Variants in CD5L observed in about 807,000 individuals in gnomAD.
CD5L encodes the protein CD5 molecule like.
CD5L carries 39 observed loss-of-function variants against 40.8 expected under a neutral mutation model. The ratio of observed to expected loss-of-function variants is 0.96; its 90% CI spans 0.74 to 1.25. CD5L has a LOEUF of 1.25. Among genes scored for constraint, CD5L ranks in the 50% most tolerant of loss-of-function variants. The pLI is 0.00. For synonymous variants in CD5L, 192 were observed against 169.6 expected (o/e 1.13, Z -1.03); for missense variants, 433 against 435.9 (o/e 0.99, Z 0.06).
intron 2 of CD5L, among the ~76,000 whole-genome samples, chr1:157,837,064 CT>C (rs1656238293): frequency 6.6e-6 from 1 of 152,010 alleles, no homozygotes; most frequent in Non-Finnish European, 1.5e-5. Flanking sequence ...TAAGACCAGC[CT>C]GGACCACATG....
In CD5L at chr1:157,833,215, T is replaced by C; in HGVS notation, c.1016A>G (p.Glu339Gly). Residue 339 changes from glutamate to glycine, a missense_variant, in exon 5 of 6, where the codon GAA becomes GGA. Glu to Gly is a moderately conservative substitution (Grantham distance 98, BLOSUM62 -2). Transcript: ENST00000368174. ...ACCTGAGCAGATGACAGCCACATCT[T>C]CCTGGTGGGTGCAGTCGTGAAACCC... ...FWGFHDCTHQ[E>G]DVAVICSG 6.2e-7 allele frequency: 1 copy of C among 1,613,826 alleles called. No individual in the cohort carries two copies. The highest frequency in any genetic ancestry group is 1.1e-5 in the South Asian group (1 of 91,038).
In CD5L at chr1:157,834,598, C is replaced by G; in HGVS notation, c.527G>C (p.Cys176Ser). ...AGCCCTCCCACATCCCAGCTGCCGG[C>G]ACACCACCTTTGCGGCCCGGAGGCT... ...GWSLRAAKVV[C>S]RQLGCGRAVL... is the part of the protein sequence containing the mutation. Residue 176 changes from cysteine to serine, a missense_variant, in exon 4 of 6, where the codon TGC becomes TCC. Transcript: ENST00000368174. The G allele has an allele frequency of 6.2e-7, 1 of 1,614,188 alleles. No individual in the cohort carries two copies. The highest frequency in any genetic ancestry group is 8.5e-7 in the Non-Finnish European group (1 of 1,180,040).
rs1414917619 is a variant in CD5L at position 157,834,444 on chromosome 1, G to A, written c.681C>T (p.Thr227=). The A allele has an allele frequency of 2.5e-6, 4 of 1,614,036 alleles. No individual in the cohort carries two copies. The South Asian group carries it at 3.3e-5, about 13-fold the overall frequency. The stretch of plus-strand genomic sequence containing the variant: ...CCCACGTGTCTTCATCATGGTTGCA[G>A]GTGTTCTTCCCCCAAGGCCCAGAAG... ...DCPSGPWGKN[T]CNHDEDTWVE... Residue 227 remains threonine (T), a synonymous_variant, in exon 4 of 6, where the codon ACC becomes ACT. Coordinates refer to ENST00000368174, the MANE Select transcript of CD5L (RefSeq NM_005894.3).
At position 157,839,395 on chromosome 1, in the gene CD5L, G is replaced by T. The variant is rs144252738; in HGVS notation, c.44C>A (p.Pro15His). Residue 15 changes from proline (P) to histidine (H), a missense_variant, in exon 2 of 6, where the codon CCT becomes CAT. Coordinates refer to ENST00000368174, the MANE Select transcript of CD5L (RefSeq NM_005894.3). ...CCCAAAAATCTTACCTAGGAATCCA[G>T]GTCTGGTGCAAATGGCTGGGGAAGA... is the stretch of plus-strand genomic sequence containing the variant. Reference protein sequence around the residue: ...FSLILAICTRPGFLASPSGVR... With the variant: ...FSLILAICTRHGFLASPSGVR... The T allele has an allele frequency of 2.5e-6, 4 of 1,613,488 alleles. No homozygotes were observed. The Admixed American group carries it at 6.7e-5, about 27-fold the overall frequency.
chr1:157,837,120 A>G (rs1656239464), intron 2 of CD5L, among the ~76,000 whole-genome samples: 1 of 152,042 alleles, frequency 6.6e-6, no homozygotes, highest in Admixed American at 6.6e-5. Flanking sequence ...ATGAATACAA[A>G]TATTAGCCAG....
intron 2 of CD5L, 87 bp from the exon 3 acceptor site, chr1:157,836,242 A>G: frequency 9.2e-7 from 1 of 1,092,840 alleles, no homozygotes; most frequent in Non-Finnish European, 1.3e-6. Flanking sequence ...GGACTCTTCC[A>G]CCATTCAAAT....
Position 157,836,073 on chromosome 1 carries a change from G to A in CD5L, c.138C>T (p.Gly46=), listed in dbSNP as rs1656205285. The stretch of plus-strand genomic sequence containing the variant: ...TGTCCCAGCCGTCATCACACACGGT[G>A]CCCCACTGGCCTTTCTGTTCCACCT... ...RVEVEQKGQW[G]TVCDDGWDIK... Residue 46 remains glycine (G), a synonymous_variant, in exon 3 of 6, where the codon GGC becomes GGT. Transcript: ENST00000368174. 2 of 1,613,952 alleles carry A rather than the reference G, an allele frequency of 1.2e-6. No individual in the cohort carries two copies. Among genetic ancestry groups the A allele is most frequent in the Admixed American group, 1.7e-5 (1 of 59,998 alleles).
chr1:157,833,471 A>T lies in CD5L; in HGVS notation c.760T>A (p.Ser254Thr), dbSNP rs1291148022. The T allele has an allele frequency of 1.9e-6, 3 of 1,614,050 alleles. No homozygotes were observed. Among genetic ancestry groups the T allele is most frequent in the Non-Finnish European group, 2.5e-6 (3 of 1,179,956 alleles). Residue 254 changes from serine (S) to threonine (T), a missense_variant, in exon 5 of 6, where the codon TCT (serine) becomes ACT (threonine). By Grantham distance (58) the Ser-to-Thr change is moderately conservative. Transcript: ENST00000368174. ...TTGTGCAGCACCTCCAGTCGCCCAG[A>T]GCAGAGGTTGTCTCCTCCTACTAGT... The part of the protein sequence containing the change: ...LRLVGGDNLC[S>T]GRLEVLHKGV...
At chr1:157,839,005 T>C (rs923197592) in intron 2 of CD5L, among the ~76,000 whole-genome samples, 1 of 152,158 alleles carries the variant, frequency 6.6e-6, no homozygotes, top group Non-Finnish European at 1.5e-5. Context: ...AAGACACCAT[T>C]AAGCCTGGCA....
rs1656301640 is a variant in CD5L at position 157,839,353 on chromosome 1, C to T, written c.55+31G>A. 9.9e-6 allele frequency: 16 copies of T among 1,611,688 alleles called. No individual in the cohort carries two copies. In the East Asian group the frequency reaches 2.9e-4, roughly 29 times the overall value. ...AATTTTCCCTCTCCTAAGCTTGAGG[C>T]CTCCCTCTCAGAAACCCCCAAAAAT... On this transcript the variant is annotated intron_variant, in intron 2 of 5. Coordinates refer to ENST00000368174, the MANE Select transcript of CD5L (RefSeq NM_005894.3).
At chr1:157,834,789 A>T in intron 3 of CD5L, 41 bp from the exon 4 acceptor site, 2 of 1,534,972 alleles carry the variant, frequency 1.3e-6, no homozygotes, top group Non-Finnish European at 9.0e-7. Flanking sequence ...CTCTGCCAGA[A>T]CATGGTCTTC....
chr1:157,837,338 A>T (rs924043470), intron 2 of CD5L, among the ~76,000 whole-genome samples: 1 of 146,954 alleles, frequency 6.8e-6, no homozygotes, highest in African/African-American at 2.5e-5. Flanking sequence ...GACAGCAAAC[A>T]TTTGTTAGGT....
downstream of CD5L, among the ~76,000 whole-genome samples, chr1:157,829,557 A>G (rs1402218933): frequency 5.3e-5 from 8 of 152,310 alleles, no homozygotes; most frequent in East Asian, 1.5e-3. Context: ...GGAGTAATAG[A>G]AATAGAAATA....
chr1:157,828,260 C>T (rs1655956255), downstream of CD5L, among the ~76,000 whole-genome samples: 1 of 152,100 alleles, frequency 6.6e-6, no homozygotes, highest in Admixed American at 6.6e-5. Context: ...GGTGTCAAAC[C>T]CAGTAGTCAA....
intron 2 of CD5L, 117 bp from the exon 3 acceptor site, chr1:157,836,272 C>A (rs987994718): frequency 1.7e-5 from 14 of 820,934 alleles, no homozygotes; most frequent in African/African-American, 1.4e-4. Context: ...TGTTGGGGAA[C>A]TAGAAATAAG....
At position 157,834,314 on chromosome 1, in the gene CD5L, G is replaced by A. The variant is rs968230442; in HGVS notation, c.718+93C>T. On this transcript the variant is annotated intron_variant, in intron 4 of 5. Coordinates refer to ENST00000368174, the MANE Select transcript of CD5L (RefSeq NM_005894.3). ...TAAATAAGTTTGCAATGGTCCTTTG[G>A]TGCGTTAGTAGCTCTTTGTAAATAC... 1.8e-5 allele frequency: 19 copies of A among 1,039,196 alleles called. No individual in the cohort carries two copies. In the African/African-American group the frequency reaches 2.9e-4, roughly 16 times the overall value. 64.4% of individuals were successfully genotyped at this position (1,039,196 alleles called of 1,614,324 possible).
At chr1:157,839,267 G>T in intron 2 of CD5L, 117 bp downstream of exon 2, 1 of 972,624 alleles carries the variant, frequency 1.0e-6, no homozygotes, top group Non-Finnish European at 1.6e-6. Flanking sequence ...TAGGAAGCCA[G>T]AAAGGAAGTC....
chr1:157,827,503 C>T (rs544344507), downstream of CD5L, among the ~76,000 whole-genome samples: 1 of 152,266 alleles, frequency 6.6e-6, no homozygotes, highest in South Asian at 2.1e-4. Flanking sequence ...GTATAAGTCC[C>T]AGTCCAAGGG....
At chr1:157,833,569 T>G in intron 4 of CD5L, 57 bp from the exon 5 acceptor site, 1 of 1,338,118 alleles carries the variant, frequency 7.5e-7, no homozygotes, top group Non-Finnish European at 1.0e-6. Context: ...GGAGAAAAAA[T>G]AAGATCATTT....
Sources: allele counts gnomAD v4.1 joint callset (sites outside exome capture counted in the v4.1 genomes callset), GRCh38; gene constraint gnomAD v4.1.1; transcripts MANE v1.5; gene names NCBI Gene and HGNC (gene_info 2026-07-23, HGNC 2026-07-21).